The following ABCC1 variants were observed in gnomAD, a reference collection of about 807,000 sequenced individuals.
The protein encoded by ABCC1 is ATP binding cassette subfamily C member 1 (ABCC1 blood group).
In ABCC1, 83 loss-of-function variants were observed where a neutral mutation model predicts 172.9. The ratio of observed to expected loss-of-function variants is 0.48; its 90% CI spans 0.40 to 0.58. The LOEUF is 0.58. ABCC1 is among the 20% of genes least tolerant of loss of function. The probability of loss-of-function intolerance (pLI) is 0.00; values close to 1 mark genes in which losing one functional copy is unlikely to be tolerated. For missense variants in ABCC1, 1,817 were observed against 2,002.7 expected, an observed-to-expected ratio of 0.91 and a Z score of 1.77; for synonymous variants, 937 against 825.2, an observed-to-expected ratio of 1.14 and a Z score of -2.32.
intron 26 of ABCC1, among the ~76,000 whole-genome samples, chr16:16,128,262 C>T (rs1023544031): frequency 9.9e-5 from 15 of 152,132 alleles, no homozygotes; most frequent in Admixed American, 9.8e-4. Context: ...ACTGCAACCT[C>T]CTTCTCCTGG....
At position 16,138,478 on chromosome 16, in the gene ABCC1, G is replaced by A; in HGVS notation, c.4407G>A (p.Gln1469=). ...AVDLETDDLI[Q]STIRTQFEDC... ...ACCTGGAAACGGACGACCTCATCCA[G>A]TCCACCATCCGGACACAGTTCGAGG... Residue 1469 remains glutamine (Q), a synonymous_variant, in exon 30 of 31, where the codon CAG becomes CAA. Transcript: ENST00000399410. The A allele has an allele frequency of 1.9e-6, 3 of 1,613,352 alleles. No homozygotes were observed. The highest frequency in any genetic ancestry group is 2.5e-6 in the Non-Finnish European group (3 of 1,179,478).
At chr16:15,994,512 A>G (rs1361645516) in intron 1 of ABCC1, among the ~76,000 whole-genome samples, 1 of 152,166 alleles carries the variant, frequency 6.6e-6, no homozygotes, top group Non-Finnish European at 1.5e-5. Context: ...GGCTGTTATT[A>G]TTGGCACCCA....
At chr16:16,068,559 CT>C (rs1250530983) in intron 13 of ABCC1, among the ~76,000 whole-genome samples, 1 of 152,226 alleles carries the variant, frequency 6.6e-6, no homozygotes, top group African/African-American at 2.4e-5. Flanking sequence ...CTGGAAGAAT[CT>C]TTCCGAAATA....
chr16:16,014,468 C>G, intron 3 of ABCC1, 23 bp from the exon 4 acceptor site: 1 of 1,610,954 alleles, frequency 6.2e-7, no homozygotes, highest in Non-Finnish European at 8.5e-7. Flanking sequence ...CCAACAACTC[C>G]TGTCTTGTGC....
intron 1 of ABCC1, among the ~76,000 whole-genome samples, chr16:15,979,584 T>C (rs2046574331): frequency 6.6e-6 from 1 of 152,236 alleles, no homozygotes; most frequent in East Asian, 1.9e-4. Flanking sequence ...CAACTCAGTT[T>C]AGTACATTCA....
At chr16:16,087,738 C>T (rs1182441405) in intron 18 of ABCC1, among the ~76,000 whole-genome samples, 1 of 152,178 alleles carries the variant, frequency 6.6e-6, no homozygotes, top group African/African-American at 2.4e-5. Flanking sequence ...GGATTACAGG[C>T]GTGAGCCACC....
intron 1 of ABCC1, among the ~76,000 whole-genome samples, chr16:15,992,289 T>G (rs903127330): frequency 1.3e-5 from 2 of 152,266 alleles, no homozygotes; most frequent in Admixed American, 6.5e-5. Context: ...TATGACAATG[T>G]AATCATAGAA....
At chr16:16,028,465 C>G (rs985379376) in intron 5 of ABCC1, among the ~76,000 whole-genome samples, 1 of 152,124 alleles carries the variant, frequency 6.6e-6, no homozygotes, top group African/African-American at 2.4e-5. Flanking sequence ...CCCCTTCCTC[C>G]TCTCTCTGCC....
At position 16,052,897 on chromosome 16, in the gene ABCC1, T is replaced by G. The variant is rs1310561060; in HGVS notation, c.1473+81T>G. The G allele has an allele frequency of 2.2e-6, 3 of 1,390,730 alleles. No individual in the cohort carries two copies. The African/African-American group carries it at 4.3e-5, about 20-fold the overall frequency. 86.1% of individuals were successfully genotyped at this position (1,390,730 alleles called of 1,614,324 possible). ...ATGAGGATTTTAGTCCAGTTCCTTC[T>G]GCTCTGTCCCTGGGGTTCTCAGCCT... On this transcript the variant is annotated intron_variant, in intron 11 of 30. Coordinates refer to ENST00000399410, the MANE Select transcript of ABCC1 (RefSeq NM_004996.4).
chr16:16,015,628 G>C (rs574321117), intron 4 of ABCC1, among the ~76,000 whole-genome samples: 1 of 152,344 alleles, frequency 6.6e-6, no homozygotes, highest in South Asian at 2.1e-4. Flanking sequence ...CTGTGTATGT[G>C]TCACGAATAA....
chr16:16,111,017 C>T (rs1056075683), intron 21 of ABCC1, among the ~76,000 whole-genome samples: 10 of 152,140 alleles, frequency 6.6e-5, no homozygotes, highest in Admixed American at 5.9e-4. Context: ...AATTCTGCCT[C>T]GGCCTTCCAA....
rs2047976651 is a variant in ABCC1 at position 16,015,936 on chromosome 16, C to T, written c.490-560C>T. Among the ~76,000 whole-genome samples, 2 of 152,162 alleles carry T rather than the reference C, an allele frequency of 1.3e-5. 1 individual carries two copies. Among genetic ancestry groups the T allele is most frequent in the African/African-American group, 4.8e-5 (2 of 41,448 alleles). On this transcript the variant is annotated intron_variant, in intron 4 of 30. Transcript: ENST00000399410. ...GGTTAAATAAGTTGACAAGATCCCACAGCCAGTGTGAGAGAGCCAGGCCTT... is the reference window on the plus strand; with the variant it reads ...GGTTAAATAAGTTGACAAGATCCCATAGCCAGTGTGAGAGAGCCAGGCCTT...
In ABCC1 at chr16:16,104,728, G is replaced by A. The variant is rs574390979; in HGVS notation, c.2736-2010G>A. Among the ~76,000 whole-genome samples, 8 of 152,270 alleles carry A rather than the reference G, an allele frequency of 5.3e-5. No homozygotes were observed. In the South Asian group the frequency reaches 1.7e-3, roughly 32 times the overall value. ...GCGCCATGGAGCAGGGGCGGCACTC[G>A]TCCGGGAGGCTCGGGCCGCGCAGGA... On this transcript the variant is annotated intron_variant, in intron 20 of 30. Transcript: ENST00000399410.
intron 8 of ABCC1, among the ~76,000 whole-genome samples, chr16:16,045,098 C>A (rs12934472): frequency 1.3e-5 from 2 of 152,056 alleles, no homozygotes; most frequent in East Asian, 1.9e-4. Context: ...GCCAGCAGAT[C>A]TCATGAAAAA....
chr16:16,044,611 A>G lies in ABCC1; in HGVS notation c.971A>G (p.Tyr324Cys), dbSNP rs371571198. The G allele has an allele frequency of 1.7e-5, 28 of 1,613,926 alleles. No individual in the cohort carries two copies. Among genetic ancestry groups the G allele is most frequent in the Non-Finnish European group, 2.1e-5 (25 of 1,179,996 alleles). ...FKVLYKTFGP[Y>C]FLMSFFFKAI... Reference sequence around the variant, plus strand: ...GTGTTATACAAGACCTTTGGGCCCTACTTCCTCATGAGCTTCTTCTTCAAG... The same window carrying G: ...GTGTTATACAAGACCTTTGGGCCCTGCTTCCTCATGAGCTTCTTCTTCAAG... The change falls in exon 8 of 31, where the codon TAC (tyrosine) becomes TGC (cysteine). Residue 324 changes from tyrosine (Y) to cysteine (C), a missense_variant. By Grantham distance (194) the Tyr-to-Cys change is radical. Around this residue, in one of 3 missense-constraint regions of ABCC1, gnomAD observed 7 missense variants for 18.2 expected, o/e 0.39. Transcript: ENST00000399410.
chr16:16,115,170 G>A (rs2044803584), intron 23 of ABCC1, 94 bp downstream of exon 23: 3 of 1,322,666 alleles, frequency 2.3e-6, no homozygotes, highest in Admixed American at 4.9e-5. Context: ...CATGTCCCCA[G>A]TGTGGTGCTT....
Position 16,009,804 on chromosome 16 carries a change from G to C in ABCC1, c.254G>C (p.Cys85Ser), listed in dbSNP as rs764102777. Residue 85 changes from cysteine (C) to serine (S), a missense_variant, in exon 3 of 31, where the codon TGC becomes TCC. Around this residue, in one of 3 missense-constraint regions of ABCC1, gnomAD observed 398 missense variants for 384.2 expected, o/e 1.04. Coordinates refer to ENST00000399410, the MANE Select transcript of ABCC1 (RefSeq NM_004996.4). ...TALGFLLWIV[C>S]WADLFYSFWE... The stretch of plus-strand genomic sequence containing the variant: ...TTGGGATTTTTGCTGTGGATCGTCT[G>C]CTGGGCAGACCTCTTCTACTCTTTC... 2 of 1,609,098 alleles carry C rather than the reference G, an allele frequency of 1.2e-6. No homozygotes were observed. The highest frequency in any genetic ancestry group is 4.5e-5 in the East Asian group (2 of 44,450).
intron 10 of ABCC1, among the ~76,000 whole-genome samples, chr16:16,049,302 A>T (rs1191968329): frequency 6.6e-6 from 1 of 152,122 alleles, no homozygotes; most frequent in African/African-American, 2.4e-5. Context: ...TCCTATTCAC[A>T]CCCGTGAACC....
At chr16:16,090,365 CAT>C (rs45607032) in intron 18 of ABCC1, 38 bp from the exon 19 acceptor site, 26,570 of 1,536,314 alleles carry the variant, frequency 0.017, 501 homozygotes, top group Admixed American at 0.07. Flanking sequence ...CAGTCTCACA[CAT>C]GTGCACTCAC....
Sources: allele counts gnomAD v4.1 joint callset (sites outside exome capture counted in the v4.1 genomes callset), GRCh38; gene constraint gnomAD v4.1.1; regional missense constraint gnomAD v4.1.1; transcripts MANE v1.5; gene names NCBI Gene and HGNC (gene_info 2026-07-23, HGNC 2026-07-21).